Variants in DPP6 observed in about 807,000 individuals in gnomAD.
DPP6 encodes the protein A-type potassium channel modulatory protein DPP6.
A neutral mutation model predicts 122.6 loss-of-function variants in DPP6; 69 were observed. The observed-to-expected ratio is 0.56, with a 90% CI of 0.46 to 0.69. The LOEUF (loss-of-function observed/expected upper bound fraction) is 0.69, where lower values mean the gene tolerates loss of function less well. Ranked by LOEUF, DPP6 falls within the 30% of genes least tolerant of loss-of-function variation. The pLI is 0.00. For synonymous variants in DPP6, 418 were observed against 433.1 expected (o/e 0.97, Z 0.43); for missense variants, 928 against 1,116.9 (o/e 0.83, Z 2.41).
At chr7:154,335,829 C>G (rs1809365707) in intron 1 of DPP6, among the ~76,000 whole-genome samples, 1 of 152,078 alleles carries the variant, frequency 6.6e-6, no homozygotes, top group Non-Finnish European at 1.5e-5. Flanking sequence ...TGGGATGAGT[C>G]TGTGGGGCAC....
chr7:153,887,058 C>G (rs893680845), upstream of DPP6: 5 of 152,530 alleles, frequency 3.3e-5, no homozygotes, highest in African/African-American at 1.2e-4. Context: ...TTTGCGCTCG[C>G]TTAACCTTGA....
chr7:154,237,999 G>A (rs894907403), intron 1 of DPP6, among the ~76,000 whole-genome samples: 5 of 152,306 alleles, frequency 3.3e-5, no homozygotes, highest in African/African-American at 9.6e-5. Flanking sequence ...TCCCAGGGAC[G>A]TGCTGGTACT....
chr7:153,940,903 G>A (rs939692836), intron 1 of DPP6, among the ~76,000 whole-genome samples: 2 of 152,118 alleles, frequency 1.3e-5, no homozygotes, highest in Admixed American at 6.5e-5. Context: ...TTGCAGCTCC[G>A]AAATCTCTCC....
intron 1 of DPP6, among the ~76,000 whole-genome samples, chr7:153,965,579 T>C (rs150808280): frequency 0.019 from 2,881 of 152,052 alleles, 124 homozygotes; most frequent in East Asian, 0.19. Context: ...GTGGCGCGAT[T>C]TCAGCTCACT....
chr7:153,972,731 A>G (rs149117141), intron 1 of DPP6, among the ~76,000 whole-genome samples: 211 of 150,418 alleles, frequency 1.4e-3, no homozygotes, highest in African/African-American at 4.9e-3. Flanking sequence ...ATCAAGGCAC[A>G]TGGTAGCAAC....
At chr7:154,174,635 C>T (rs1797702558) in intron 1 of DPP6, among the ~76,000 whole-genome samples, 1 of 152,194 alleles carries the variant, frequency 6.6e-6, no homozygotes, top group African/African-American at 2.4e-5. Context: ...CTTTTTATCA[C>T]CATTTCTTCA....
intron 6 of DPP6, among the ~76,000 whole-genome samples, chr7:154,659,955 A>T (rs1183316201): frequency 6.6e-6 from 1 of 152,244 alleles, no homozygotes; most frequent in Non-Finnish European, 1.5e-5. Context: ...CCATAGGAGA[A>T]AATAAGACGC....
Position 154,451,088 on chromosome 7 carries a change from T to C in DPP6, c.358+4760T>C, listed in dbSNP as rs1459871886. Reference sequence around the variant, plus strand: ...TCACTCAAGAGTGGAATAAGGCCGGTGTGGTGGCTCATGCCTGTAATCCCA... The same window carrying C: ...TCACTCAAGAGTGGAATAAGGCCGGCGTGGTGGCTCATGCCTGTAATCCCA... On this transcript the variant is annotated intron_variant, in intron 2 of 25. Coordinates refer to ENST00000377770, the MANE Select transcript of DPP6 (RefSeq NM_130797.4). Among the ~76,000 whole-genome samples the C allele has an allele frequency of 7.2e-5, 11 of 152,034 alleles. No individual in the cohort carries two copies. The East Asian group carries it at 2.1e-3, about 30-fold the overall frequency.
At chr7:153,923,211 A>C (rs1457895670) in intron 1 of DPP6, among the ~76,000 whole-genome samples, 1 of 152,216 alleles carries the variant, frequency 6.6e-6, no homozygotes, top group South Asian at 2.1e-4. Context: ...TTAGAATCCC[A>C]GTCTCTTTAT....
At chr7:154,650,029 CA>C (rs1469824989) in intron 6 of DPP6, among the ~76,000 whole-genome samples, 2 of 152,082 alleles carry the variant, frequency 1.3e-5, no homozygotes, top group Non-Finnish European at 2.9e-5. Flanking sequence ...AAAACAGATT[CA>C]AAACTGTGGG....
chr7:154,434,895 T>G (rs1230979563), intron 1 of DPP6, among the ~76,000 whole-genome samples: 1 of 152,130 alleles, frequency 6.6e-6, no homozygotes, highest in Non-Finnish European at 1.5e-5. Context: ...AGTGCAGTGG[T>G]GCAATCTCGG....
intron 5 of DPP6, among the ~76,000 whole-genome samples, chr7:154,595,453 T>A (rs1267722032): frequency 2.6e-5 from 4 of 152,154 alleles, no homozygotes; most frequent in Non-Finnish European, 5.9e-5. Flanking sequence ...AGACCATGGA[T>A]GAAAGACCGC....
At chr7:154,811,955 T>A (rs1027560990) in intron 16 of DPP6, among the ~76,000 whole-genome samples, 5 of 152,202 alleles carry the variant, frequency 3.3e-5, no homozygotes, top group Non-Finnish European at 7.3e-5. Flanking sequence ...TCCTCCTTTT[T>A]TAGGTTGAGG....
intron 5 of DPP6, among the ~76,000 whole-genome samples, chr7:154,630,373 G>A (rs1216137860): frequency 6.6e-6 from 1 of 152,132 alleles, no homozygotes; most frequent in East Asian, 1.9e-4. Flanking sequence ...AAATTTAAGG[G>A]GCATTCTCAA....
intron 5 of DPP6, among the ~76,000 whole-genome samples, chr7:154,569,417 T>C (rs953373727): frequency 1.1e-4 from 17 of 152,022 alleles, no homozygotes; most frequent in African/African-American, 1.7e-4. Context: ...AACAGATAAG[T>C]TTCTTGAAGT....
chr7:153,826,846 A>G, the DPP6 span, among the ~76,000 whole-genome samples: 1 of 129,668 alleles, frequency 7.7e-6, no homozygotes, highest in Admixed American at 7.9e-5. Flanking sequence ...GCAAATATAT[A>G]TATATATGCA....
intron 1 of DPP6, among the ~76,000 whole-genome samples, chr7:154,399,521 G>A (rs1205670850): frequency 1.3e-5 from 2 of 152,210 alleles, no homozygotes; most frequent in Non-Finnish European, 2.9e-5. Context: ...TTAGAAATTG[G>A]AACCTCCTAA....
intron 1 of DPP6, among the ~76,000 whole-genome samples, chr7:154,343,584 T>C (rs2011945): frequency 0.11 from 16,864 of 152,198 alleles, 1,358 homozygotes; most frequent in African/African-American, 0.22. Context: ...TGTTTTTGTT[T>C]TAGTTTTTGT....
chr7:154,402,974 G>C (rs1815767973), intron 1 of DPP6, among the ~76,000 whole-genome samples: 1 of 152,182 alleles, frequency 6.6e-6, no homozygotes, highest in Non-Finnish European at 1.5e-5. Flanking sequence ...AACAACTATA[G>C]TTCTTAGTCT....
Sources: allele counts gnomAD v4.1 joint callset (sites outside exome capture counted in the v4.1 genomes callset), GRCh38; gene constraint gnomAD v4.1.1; transcripts MANE v1.5; gene names NCBI Gene and HGNC (gene_info 2026-07-23, HGNC 2026-07-21).